SELENON: variants seen among roughly 807,000 people sequenced by gnomAD.
The protein encoded by SELENON is selenoprotein N.
In SELENON, 44 loss-of-function variants were observed where a neutral mutation model predicts 59.5. The observed-to-expected ratio is 0.74, with a 90% CI of 0.58 to 0.95. SELENON has a LOEUF of 0.95. Ranked by LOEUF, SELENON falls within the 40% of genes least tolerant of loss-of-function variation. The pLI, the probability that SELENON is intolerant of heterozygous loss-of-function variation, is 0.00. For synonymous variants in SELENON, 320 were observed against 305.6 expected, an observed-to-expected ratio of 1.05 and a Z score of -0.49; for missense variants, 674 against 721.4, an observed-to-expected ratio of 0.93 and a Z score of 0.75.
chr1:25,807,667 G>A lies in SELENON; in HGVS notation c.538-913G>A, dbSNP rs538918704. 3.9e-5 allele frequency among the ~76,000 whole-genome samples: 6 copies of A among 152,298 alleles called. No individual in the cohort carries two copies. The East Asian group carries it at 1.2e-3, about 29-fold the overall frequency. The stretch of plus-strand genomic sequence containing the variant: ...GGCTCGGCCTGGCCCGGCACAGCCA[G>A]CTCTGCCTTGAGAACCGCCTGTTAA... On this transcript the variant is annotated intron_variant, in intron 4 of 12. Coordinates refer to ENST00000361547, the MANE Select transcript of SELENON (RefSeq NM_020451.3). The surrounding 1 kb of genome is among the most constrained non-coding windows in gnomAD (Gnocchi z 4.5).
Position 25,805,155 on chromosome 1 carries a change from G to A in SELENON, c.417G>A (p.Ala139=), listed in dbSNP as rs535581420. 47 of 1,613,652 alleles carry A rather than the reference G, an allele frequency of 2.9e-5. No homozygotes were observed. Among genetic ancestry groups the A allele is most frequent in the Non-Finnish European group, 3.5e-5 (41 of 1,180,008 alleles). ...TGTGTCTCATAGGGTCAACTCCCGC[G>A]GCCAGCTGCGAGGAGGAGGAGTTGC... The change falls in exon 4 of 13, where the codon GCG becomes GCA. Residue 139 remains alanine (A), a synonymous_variant. Coordinates refer to ENST00000361547, the MANE Select transcript of SELENON (RefSeq NM_020451.3).
At chr1:25,803,683 A>G (rs558663217) in intron 3 of SELENON, among the ~76,000 whole-genome samples, 4 of 149,066 alleles carry the variant, frequency 2.7e-5, no homozygotes, top group African/African-American at 9.9e-5. Flanking sequence ...GGGCATCATC[A>G]TTATTATTGG....
chr1:25,808,984 GC>G, intron 5 of SELENON, 41 bp from the exon 5 acceptor site: 1 of 1,612,874 alleles, frequency 6.2e-7, no homozygotes, highest in Non-Finnish European at 8.5e-7. Context: ...TCCAGGCCCA[GC>G]GGGACCCAGC....
intron 1 of SELENON, 81 bp from the exon 2 acceptor site, chr1:25,800,962 C>T (rs1168743017): frequency 1.6e-5 from 17 of 1,087,754 alleles, no homozygotes; most frequent in Non-Finnish European, 2.3e-5. Flanking sequence ...AGAAGGGGCT[C>T]CATGCGGAAG....
At position 25,812,953 on chromosome 1, in the gene SELENON, G is replaced by A. The variant is rs10751726; in HGVS notation, c.1387+161G>A. 0.65 allele frequency among the ~76,000 whole-genome samples: 98,752 copies of A among 151,978 alleles called. 35,929 individuals carry two copies. Among genetic ancestry groups the A allele is most frequent in the East Asian group, 0.97 (4,999 of 5,174 alleles). ...GTGAGGGCTTGGGGGTTTCTGTGCT[G>A]AGCCCAGAGGGAGCTACCAGATGCT... On this transcript the variant is annotated intron_variant, in intron 10 of 12. Coordinates refer to ENST00000361547, the MANE Select transcript of SELENON (RefSeq NM_020451.3).
At chr1:25,812,468 C>T (rs972260123) in intron 9 of SELENON, among the ~76,000 whole-genome samples, 8 of 48,256 alleles carry the variant, frequency 1.7e-4, no homozygotes, top group Non-Finnish European at 2.3e-4. Flanking sequence ...TATATACACA[C>T]ACACATACAC....
intron 9 of SELENON, 102 bp from the exon 9 acceptor site, chr1:25,812,585 A>ACACACG: frequency 1.3e-6 from 1 of 755,138 alleles, no homozygotes; most frequent in South Asian, 1.5e-5. Flanking sequence ...ACACACACAC[A>ACACACG]CACACACACA....
intron 3 of SELENON, among the ~76,000 whole-genome samples, chr1:25,804,884 A>G (rs1033647128): frequency 3.9e-5 from 6 of 152,084 alleles, no homozygotes; most frequent in East Asian, 3.9e-4. Context: ...CCATCTAGCT[A>G]TGTGACCTGG....
At chr1:25,804,821 G>T (rs1193225899) in intron 3 of SELENON, among the ~76,000 whole-genome samples, 1 of 152,134 alleles carries the variant, frequency 6.6e-6, no homozygotes, top group Non-Finnish European at 1.5e-5. Context: ...AAGGGTCGTG[G>T]TTGGTCATGG....
In SELENON at chr1:25,809,892, A is replaced by G. The variant is rs184840644; in HGVS notation, c.1010+72A>G. 3.7e-3 allele frequency: 5,836 copies of G among 1,570,202 alleles called. 162 individuals are homozygous for G. In the African/African-American group the frequency reaches 0.065, roughly 18 times the overall value. Reference sequence around the variant, plus strand: ...TCCTGCTCCCCAGCTCCAGGAGCCTAGGGGCCTCTTCTGTCTCTGCCCCTT... The same window carrying G: ...TCCTGCTCCCCAGCTCCAGGAGCCTGGGGGCCTCTTCTGTCTCTGCCCCTT... On this transcript the variant is annotated intron_variant, in intron 7 of 12. Coordinates refer to ENST00000361547, the MANE Select transcript of SELENON (RefSeq NM_020451.3).
Position 25,802,348 on chromosome 1 carries a change from A to G in SELENON, c.403+231A>G, listed in dbSNP as rs760598159. Among the ~76,000 whole-genome samples the G allele has an allele frequency of 9.9e-5, 15 of 151,890 alleles. No individual in the cohort carries two copies. The East Asian group carries it at 1.6e-3, about 16-fold the overall frequency. On this transcript the variant is annotated intron_variant, in intron 3 of 12. Transcript: ENST00000361547. ...TTTGCTTAGGTGCTTTCAGATTTCTATTCCATTCTTTGTTGTTGTTGTTGT... is the reference window on the plus strand; with the variant it reads ...TTTGCTTAGGTGCTTTCAGATTTCTGTTCCATTCTTTGTTGTTGTTGTTGT...
rs2047978231 is a variant in SELENON at position 25,812,808 on chromosome 1, G to C, written c.1387+16G>C. ...TCCTGCTGAGGTGAGGGGCCCGGCT[G>C]GATCTAAGGGGAGCAGTGGGAAAGT... is the stretch of plus-strand genomic sequence containing the variant. On this transcript the variant is annotated intron_variant, in intron 10 of 12. Transcript: ENST00000361547. 6.3e-7 allele frequency: 1 copy of C among 1,580,122 alleles called. No individual in the cohort carries two copies. Among genetic ancestry groups the C allele is most frequent in the African/African-American group, 1.3e-5 (1 of 74,220 alleles).
At position 25,813,999 on chromosome 1, in the gene SELENON, C is replaced by T. The variant is rs1245353353; in HGVS notation, c.1500+6C>T. ...AGGAGCTGGAGGAACTGCAGGTGAG[C>T]GGGCAGGTGGCAGGAACAGGAGCGT... On this transcript the variant is annotated splice_donor_region_variant and intron_variant, in intron 11 of 12. Transcript: ENST00000361547. 3.7e-6 allele frequency: 6 copies of T among 1,612,842 alleles called. No individual in the cohort carries two copies. Among genetic ancestry groups the T allele is most frequent in the East Asian group, 2.2e-5 (1 of 44,884 alleles).
chr1:25,810,967 CCT>C (rs2047954219), intron 7 of SELENON, among the ~76,000 whole-genome samples: 5 of 152,300 alleles, frequency 3.3e-5, no homozygotes, highest in Non-Finnish European at 7.4e-5. Context: ...CTAGCTCTGC[CCT>C]CTGTGCCCCC....
At chr1:25,808,172 G>A (rs1447746193) in intron 4 of SELENON, among the ~76,000 whole-genome samples, 2 of 152,246 alleles carry the variant, frequency 1.3e-5, no homozygotes, top group Non-Finnish European at 2.9e-5. Context: ...AGCCAGGCAG[G>A]GTGGTGGCAC....
chr1:25,814,674 A>G (rs759846195), intron 12 of SELENON, among the ~76,000 whole-genome samples: 14 of 152,216 alleles, frequency 9.2e-5, no homozygotes, highest in African/African-American at 3.4e-4. Context: ...ATAAACAAGG[A>G]GGCCCAGAAA....
intron 7 of SELENON, among the ~76,000 whole-genome samples, chr1:25,810,701 G>C (rs925838497): frequency 1.3e-5 from 2 of 152,178 alleles, no homozygotes; most frequent in Non-Finnish European, 2.9e-5. Flanking sequence ...CCCTAGGAGT[G>C]GGGGTGGCTT....
In SELENON at chr1:25,812,783, T is replaced by C. The variant is rs1227306514; in HGVS notation, c.1378T>C (p.Ser460Pro). 1 of 1,612,320 alleles carries C rather than the reference T, an allele frequency of 6.2e-7. No homozygotes were observed. The highest frequency in any genetic ancestry group is 1.3e-5 in the African/African-American group (1 of 74,812). Residue 460 changes from serine to proline, a missense_variant, in exon 10 of 13, where the codon TCC (serine) becomes CCC (proline). Transcript: ENST00000361547. ...GCTGTGGGGGGCCCTGGATGACCAGTCCTGCTGAGGTGAGGGGCCCGGCTG... is the reference window on the plus strand; with the variant it reads ...GCTGTGGGGGGCCCTGGATGACCAGCCCTGCTGAGGTGAGGGGCCCGGCTG...
chr1:25,814,120 A>C lies in SELENON; in HGVS notation c.1544A>C (p.His515Pro). 1 of 1,614,198 alleles carries C rather than the reference A, an allele frequency of 6.2e-7. No individual in the cohort carries two copies. Among genetic ancestry groups the C allele is most frequent in the Non-Finnish European group, 8.5e-7 (1 of 1,180,024 alleles). Residue 515 changes from histidine (H) to proline (P), a missense_variant, in exon 12 of 13, where the codon CAC becomes CCC. Coordinates refer to ENST00000361547, the MANE Select transcript of SELENON (RefSeq NM_020451.3). Reference sequence around the variant, plus strand: ...TCCCACCAGAAGCTGGCTGGCCTGCACCTGGAGAAGTACAGCTTCCCCGTG... The same window carrying C: ...TCCCACCAGAAGCTGGCTGGCCTGCCCCTGGAGAAGTACAGCTTCCCCGTG...
Sources: allele counts gnomAD v4.1 joint callset (sites outside exome capture counted in the v4.1 genomes callset), GRCh38; gene constraint gnomAD v4.1.1; non-coding constraint Gnocchi (gnomAD v3.1); transcripts MANE v1.5; gene names NCBI Gene and HGNC (gene_info 2026-07-23, HGNC 2026-07-21).